RABGAP1L: variants seen among roughly 807,000 people sequenced by gnomAD.
RABGAP1L encodes the protein RAB GTPase activating protein 1 like.
Under a neutral mutation model 137.7 loss-of-function variants are expected in RABGAP1L, and 63 were observed. The observed-to-expected ratio is 0.46, with a 90% confidence interval of 0.37 to 0.56. The LOEUF (loss-of-function observed/expected upper bound fraction) is 0.56, where lower values mean the gene tolerates loss of function less well. Among genes scored for constraint, RABGAP1L ranks in the 20% least tolerant of loss-of-function variants. RABGAP1L has a pLI of 0.00. For missense variants in RABGAP1L, 1,095 were observed against 1,244.0 expected, an observed-to-expected ratio of 0.88 and a Z score of 1.80; for synonymous variants, 431 against 433.7, an observed-to-expected ratio of 0.99 and a Z score of 0.08.
intron 19 of RABGAP1L, among the ~76,000 whole-genome samples, chr1:174,908,253 A>T (rs1198651096): frequency 1.3e-5 from 2 of 152,200 alleles, no homozygotes; most frequent in Admixed American, 1.3e-4. Context: ...CAGACAGAAA[A>T]TTAGCAAAGA....
At chr1:174,564,787 T>G (rs1398134034) in intron 13 of RABGAP1L, among the ~76,000 whole-genome samples, 1 of 152,102 alleles carries the variant, frequency 6.6e-6, no homozygotes, top group Non-Finnish European at 1.5e-5. Flanking sequence ...AAAAACTTAT[T>G]TAATATTTTT....
At chr1:174,544,313 C>G (rs1665787879) in intron 13 of RABGAP1L, among the ~76,000 whole-genome samples, 2 of 152,062 alleles carry the variant, frequency 1.3e-5, no homozygotes, top group South Asian at 4.1e-4. Flanking sequence ...CTTTTTTTCT[C>G]TAAACTTCTC....
At chr1:174,383,342 T>C (rs1571534099) in intron 12 of RABGAP1L, among the ~76,000 whole-genome samples, 3 of 151,382 alleles carry the variant, frequency 2.0e-5, no homozygotes, top group Admixed American at 6.6e-5. Flanking sequence ...CTGGCTGCTT[T>C]GTTTACCTAA....
chr1:174,656,903 ACT>A (rs1285686444), intron 14 of RABGAP1L, among the ~76,000 whole-genome samples: 1 of 151,328 alleles, frequency 6.6e-6, no homozygotes, highest in Non-Finnish European at 1.5e-5. Flanking sequence ...TCATTTGAAA[ACT>A]CTGTCTTGCT....
chr1:174,376,624 AT>A (rs1220450541), intron 12 of RABGAP1L, among the ~76,000 whole-genome samples: 1 of 152,348 alleles, frequency 6.6e-6, no homozygotes, highest in Non-Finnish European at 1.5e-5. Flanking sequence ...CAGAAAAAGC[AT>A]TTGACCCAAT....
chr1:174,598,272 G>C (rs1670126746), intron 13 of RABGAP1L, among the ~76,000 whole-genome samples: 1 of 148,960 alleles, frequency 6.7e-6, no homozygotes, highest in Non-Finnish European at 1.5e-5. Flanking sequence ...AGGTTGCAGT[G>C]AGCCGAGATC....
chr1:174,369,347 GC>G (rs952687883), intron 11 of RABGAP1L, among the ~76,000 whole-genome samples: 17 of 152,068 alleles, frequency 1.1e-4, no homozygotes, highest in African/African-American at 4.1e-4. Context: ...ACGCCACCAT[GC>G]CCAGCTAATT....
chr1:174,978,741 T>G, intron 22 of RABGAP1L, 66 bp from the exon 23 acceptor site: 1 of 1,476,214 alleles, frequency 6.8e-7, no homozygotes, highest in Non-Finnish European at 9.0e-7. Flanking sequence ...CAGACTTGAA[T>G]ATAGATGTTT....
At chr1:174,721,932 C>T (rs183979833) in intron 17 of RABGAP1L, among the ~76,000 whole-genome samples, 3 of 152,104 alleles carry the variant, frequency 2.0e-5, no homozygotes, top group Non-Finnish European at 4.4e-5. Context: ...ATTTGATACT[C>T]AATTTTTTTG....
intron 10 of RABGAP1L, among the ~76,000 whole-genome samples, chr1:174,300,831 A>C (rs2148755083): frequency 6.6e-6 from 1 of 152,204 alleles, no homozygotes; most frequent in South Asian, 2.1e-4. Context: ...GCGCCACTGC[A>C]CTCCAGCCTG....
chr1:174,988,563 A>G (rs1438328377), intron 24 of RABGAP1L, 78 bp from the exon 25 acceptor site: 2 of 1,261,400 alleles, frequency 1.6e-6, no homozygotes, highest in Non-Finnish European at 2.1e-6. Flanking sequence ...CAGCATCTAA[A>G]AAAGTCATAA....
At chr1:174,618,677 C>A (rs574905609) in intron 13 of RABGAP1L, among the ~76,000 whole-genome samples, 24 of 152,200 alleles carry the variant, frequency 1.6e-4, no homozygotes, top group African/African-American at 5.1e-4. Flanking sequence ...GTAGATAAAA[C>A]CACAAAGATG....
At chr1:174,240,421 A>G (rs1435485407) in intron 4 of RABGAP1L, among the ~76,000 whole-genome samples, 1 of 152,188 alleles carries the variant, frequency 6.6e-6, no homozygotes, top group African/African-American at 2.4e-5. Flanking sequence ...TGATTTTTGT[A>G]TTTATCAGAA....
chr1:174,804,037 C>T (rs1689011339), intron 18 of RABGAP1L, among the ~76,000 whole-genome samples: 1 of 151,356 alleles, frequency 6.6e-6, no homozygotes, highest in South Asian at 2.1e-4. Context: ...GCCTAGGTGA[C>T]AGAATGAGAT....
chr1:174,484,777 T>A (rs1339415514), intron 13 of RABGAP1L, among the ~76,000 whole-genome samples: 2 of 152,180 alleles, frequency 1.3e-5, no homozygotes, highest in African/African-American at 4.8e-5. Flanking sequence ...TAATTTGAAG[T>A]CAGTAATGTG....
chr1:174,516,180 G>T (rs1313842911), intron 13 of RABGAP1L, among the ~76,000 whole-genome samples: 1 of 145,608 alleles, frequency 6.9e-6, no homozygotes, highest in Non-Finnish European at 1.5e-5. Flanking sequence ...TTGAGATAGG[G>T]TCTCGCTCTG....
rs1362182653 is a variant in RABGAP1L, at chr1:174,621,650, A to G, written c.1711-15725A>G. ...GGTGTTGGGAAAACTGGCTAGCCAT[A>G]TGTAGAAAGCTGAAACTGGATCCCT... On this transcript the variant is annotated intron_variant, in intron 13 of 25. Coordinates refer to ENST00000681986, the MANE Select transcript of RABGAP1L (RefSeq NM_001366446.1). 8.5e-5 allele frequency among the ~76,000 whole-genome samples: 13 copies of G among 152,322 alleles called. No homozygotes were observed. The East Asian group carries it at 9.7e-4, about 11-fold the overall frequency.
At chr1:174,611,329 T>C (rs1414364786) in intron 13 of RABGAP1L, among the ~76,000 whole-genome samples, 2 of 152,178 alleles carry the variant, frequency 1.3e-5, no homozygotes, top group African/African-American at 4.8e-5. Context: ...TCCCCATTGC[T>C]TGTTTTTCTC....
chr1:174,863,080 G>A (rs1650521560), intron 19 of RABGAP1L, among the ~76,000 whole-genome samples: 1 of 151,100 alleles, frequency 6.6e-6, no homozygotes, highest in Non-Finnish European at 1.5e-5. Flanking sequence ...TTTTAGTAGA[G>A]ACGGGGTTTC....
Sources: allele counts gnomAD v4.1 joint callset (sites outside exome capture counted in the v4.1 genomes callset), GRCh38; gene constraint gnomAD v4.1.1; transcripts MANE v1.5; gene names NCBI Gene and HGNC (gene_info 2026-07-23, HGNC 2026-07-21).